The following GPR160 variants were observed in gnomAD, a reference collection of about 807,000 sequenced individuals.
The protein encoded by GPR160 is G protein-coupled receptor 160.
GPR160 carries 2 observed loss-of-function variants against 2.6 expected under a neutral mutation model. The observed-to-expected ratio is 0.77, with a 90% CI of 0.32 to 2.44. The LOEUF (loss-of-function observed/expected upper bound fraction) is 2.44. Among genes scored for constraint, GPR160 ranks in the 30% most tolerant of loss-of-function variants. GPR160 has a pLI of 0.11. For synonymous variants in GPR160, 130 were observed against 132.2 expected (o/e 0.98, Z 0.12); for missense variants, 351 against 383.6 (o/e 0.91, Z 0.71).
intron 2 of GPR160, among the ~76,000 whole-genome samples, chr3:170,061,501 GT>G (rs1295755226): frequency 6.6e-6 from 1 of 151,836 alleles, no homozygotes; most frequent in African/African-American, 2.4e-5. Flanking sequence ...TAATGGGACA[GT>G]TTTAATATGG....
chr3:170,047,605 T>C (rs1716779063), intron 2 of GPR160, among the ~76,000 whole-genome samples: 1 of 152,202 alleles, frequency 6.6e-6, no homozygotes, highest in African/African-American at 2.4e-5. Context: ...CATGCATATG[T>C]TTATCATAGC....
intron 2 of GPR160, among the ~76,000 whole-genome samples, chr3:170,046,578 A>G (rs894400061): frequency 2.0e-5 from 3 of 152,220 alleles, no homozygotes; most frequent in Non-Finnish European, 4.4e-5. Context: ...ATCCTGACAC[A>G]GACACAGCAA....
At chr3:170,052,077 C>T (rs1716979578) in intron 2 of GPR160, among the ~76,000 whole-genome samples, 1 of 152,210 alleles carries the variant, frequency 6.6e-6, no homozygotes, top group African/African-American at 2.4e-5. Context: ...AGGTGCACGC[C>T]ACCATGCTCA....
At chr3:170,067,918 C>T (rs1712425184) in intron 2 of GPR160, among the ~76,000 whole-genome samples, 1 of 152,162 alleles carries the variant, frequency 6.6e-6, no homozygotes, top group Admixed American at 6.5e-5. Flanking sequence ...GTATATCCCT[C>T]AATCCTCTAT....
At chr3:170,064,834 T>TA (rs1324701755) in intron 2 of GPR160, among the ~76,000 whole-genome samples, 2 of 152,022 alleles carry the variant, frequency 1.3e-5, no homozygotes, top group African/African-American at 4.8e-5. Flanking sequence ...GACCCATTCT[T>TA]ACTGAGTGAG....
At chr3:170,069,587 A>AT (rs376313290) in intron 2 of GPR160, among the ~76,000 whole-genome samples, 1 of 151,748 alleles carries the variant, frequency 6.6e-6, no homozygotes, top group East Asian at 1.9e-4. Context: ...AGATTTGTAC[A>AT]TTTTTTTTAA....
At chr3:170,045,458 A>G (rs1178411439) in intron 2 of GPR160, among the ~76,000 whole-genome samples, 2 of 129,988 alleles carry the variant, frequency 1.5e-5, no homozygotes, top group Non-Finnish European at 3.2e-5. Context: ...CCAATTAGCC[A>G]GGGGTGGTGG....
Position 170,084,951 on chromosome 3 carries a change from G to A in GPR160, c.979G>A (p.Glu327Lys). ...CFIPLTIPNLEQIEKPISIMI... is the reference protein window; with the variant it reads ...CFIPLTIPNLKQIEKPISIMI... ...CATTCCACTTACAATTCCTAATCTT[G>A]AGCAAATTGAAAAGCCTATATCAAT... The change falls in exon 4 of 4, where the codon GAG (glutamate) becomes AAG (lysine). Residue 327 changes from glutamate to lysine, a missense_variant. By Grantham distance (56) the Glu-to-Lys change is moderately conservative. Coordinates refer to ENST00000355897, the MANE Select transcript of GPR160 (RefSeq NM_014373.3). The A allele has an allele frequency of 6.3e-7, 1 of 1,578,006 alleles. No individual in the cohort carries two copies. Among genetic ancestry groups the A allele is most frequent in the Non-Finnish European group, 8.6e-7 (1 of 1,162,804 alleles).
At chr3:170,070,032 A>G (rs989017220) in intron 2 of GPR160, among the ~76,000 whole-genome samples, 4 of 152,074 alleles carry the variant, frequency 2.6e-5, no homozygotes, top group Non-Finnish European at 5.9e-5. Context: ...TAAAGGTCCT[A>G]TCTCCAAATA....
At chr3:170,043,047 A>G (rs1461380173) in intron 2 of GPR160, among the ~76,000 whole-genome samples, 1 of 151,380 alleles carries the variant, frequency 6.6e-6, no homozygotes, top group African/African-American at 2.4e-5. Flanking sequence ...ACGCCCAGCT[A>G]ATTTTTTATA....
chr3:170,052,076 C>A (rs780994733), intron 2 of GPR160, among the ~76,000 whole-genome samples: 12 of 152,202 alleles, frequency 7.9e-5, no homozygotes, highest in Non-Finnish European at 1.8e-4. Context: ...CAGGTGCACG[C>A]CACCATGCTC....
At chr3:170,080,314 T>C (rs1362871362) in intron 3 of GPR160, among the ~76,000 whole-genome samples, 2 of 152,194 alleles carry the variant, frequency 1.3e-5, no homozygotes, top group Non-Finnish European at 2.9e-5. Flanking sequence ...CTAAGAAAGC[T>C]CTGATTGGTT....
chr3:170,049,345 A>G (rs1013593228), intron 2 of GPR160, among the ~76,000 whole-genome samples: 3 of 152,154 alleles, frequency 2.0e-5, no homozygotes, highest in Admixed American at 1.3e-4. Context: ...CCCTATTGTT[A>G]GACATTAAGT....
rs375363097 is a variant in GPR160 at position 170,049,630 on chromosome 3, G to T, written c.-193+10587G>T. Among the ~76,000 whole-genome samples the T allele has an allele frequency of 2.0e-5, 3 of 152,260 alleles. 1 individual carries two copies. The highest frequency in any genetic ancestry group is 4.8e-5 in the African/African-American group (2 of 41,566). Reference sequence around the variant, plus strand: ...CAGGGAGCAGGGTCATGCCTCATTCGCATCACGCCTCCAGGGCTGGTGTAG... The same window carrying T: ...CAGGGAGCAGGGTCATGCCTCATTCTCATCACGCCTCCAGGGCTGGTGTAG... On this transcript the variant is annotated intron_variant, in intron 2 of 3. Coordinates refer to ENST00000355897, the MANE Select transcript of GPR160 (RefSeq NM_014373.3).
chr3:170,084,555 G>C lies in GPR160; in HGVS notation c.583G>C (p.Val195Leu). ...LSFFMVMILF[V>L]AFITCWEEVT... is the part of the protein sequence containing the mutation. ...ATTTTTCATGGTGATGATTTTATTT[G>C]TAGCTTTCATAACCTGTTGGGAAGA... The change falls in exon 4 of 4, where the codon GTA (valine) becomes CTA (leucine). Residue 195 changes from valine (V) to leucine (L), a missense_variant. Physicochemically the swap from Val to Leu is conservative, Grantham distance 32 (BLOSUM62 1). Transcript: ENST00000355897. 6.2e-7 allele frequency: 1 copy of C among 1,612,376 alleles called. No individual in the cohort carries two copies. The highest frequency in any genetic ancestry group is 8.5e-7 in the Non-Finnish European group (1 of 1,178,476).
At chr3:170,042,972 C>T (rs973763561) in intron 2 of GPR160, among the ~76,000 whole-genome samples, 2 of 151,234 alleles carry the variant, frequency 1.3e-5, no homozygotes, top group Non-Finnish European at 2.9e-5. Flanking sequence ...AGCTCTGCCT[C>T]CCGGATTCAT....
chr3:170,060,739 C>T (rs1559986237), intron 2 of GPR160, among the ~76,000 whole-genome samples: 1 of 152,220 alleles, frequency 6.6e-6, no homozygotes, highest in East Asian at 1.9e-4. Context: ...CTACTGCACT[C>T]CAGCTTCAGC....
chr3:170,079,077 A>G (rs1275264825), intron 2 of GPR160, among the ~76,000 whole-genome samples: 2 of 152,218 alleles, frequency 1.3e-5, no homozygotes, highest in Non-Finnish European at 2.9e-5. Context: ...GAAAGGGGGG[A>G]CAGTAATGTT....
intron 2 of GPR160, among the ~76,000 whole-genome samples, chr3:170,044,687 A>T (rs1716625292): frequency 6.6e-6 from 1 of 152,128 alleles, no homozygotes; most frequent in African/African-American, 2.4e-5. Flanking sequence ...CAGGGGACCC[A>T]TGTGGATCCT....
Sources: gnomAD v4.1 joint callset for allele counts (sites outside exome capture counted in the v4.1 genomes callset) on GRCh38, gnomAD v4.1.1 for gene constraint, MANE v1.5 for transcripts, NCBI Gene and HGNC (gene_info 2026-07-23, HGNC 2026-07-21) for gene names.